RB1: variants seen among roughly 807,000 people sequenced by gnomAD.
RB1 encodes the protein retinoblastoma-associated protein.
In RB1, 18 loss-of-function variants were observed where a neutral mutation model predicts 135.4. The ratio of observed to expected loss-of-function variants is 0.13; its 90% CI spans 0.09 to 0.20. The LOEUF (loss-of-function observed/expected upper bound fraction) is 0.20. Ranked by LOEUF, RB1 falls within the 10% of genes least tolerant of loss-of-function variation. The pLI is 1.00. For missense variants in RB1, 868 were observed against 1,110.0 expected (o/e 0.78, Z 3.10); for synonymous variants, 365 against 373.2 (o/e 0.98, Z 0.25).
chr13:48,406,376 A>G (rs796687113), intron 17 of RB1, among the ~76,000 whole-genome samples: 2 of 152,338 alleles, frequency 1.3e-5, no homozygotes, highest in African/African-American at 4.8e-5. Context: ...ACCATCATTT[A>G]AAAAAGAATT....
intron 17 of RB1, chr13:48,422,515 A>C (rs1235821293): frequency 6.6e-6 from 1 of 152,214 alleles, no homozygotes; most frequent in Admixed American, 6.5e-5. Flanking sequence ...AAAGTATAAT[A>C]CTTTTAAAAA....
chr13:48,345,711 A>G (rs1952486940), intron 4 of RB1, among the ~76,000 whole-genome samples: 1 of 152,216 alleles, frequency 6.6e-6, no homozygotes, highest in Admixed American at 6.5e-5. Context: ...TCAAAACTGT[A>G]CTTCCCTACC....
At chr13:48,435,605 G>A (rs1949175415) in intron 17 of RB1, among the ~76,000 whole-genome samples, 1 of 151,770 alleles carries the variant, frequency 6.6e-6, no homozygotes, top group Non-Finnish European at 1.5e-5. Flanking sequence ...TCCTTTTATG[G>A]ATTATGCTTT....
chr13:48,458,762 G>A (rs1356093772), intron 19 of RB1, among the ~76,000 whole-genome samples: 8 of 152,148 alleles, frequency 5.3e-5, no homozygotes, highest in Non-Finnish European at 1.0e-4. Context: ...GATATTTAAA[G>A]TAGATGAAGG....
intron 2 of RB1, chr13:48,328,666 C>A: frequency 2.0e-6 from 1 of 500,362 alleles, no homozygotes; most frequent in South Asian, 2.1e-5. Context: ...TTTCTTTTAA[C>A]TTTCTCCACC....
At chr13:48,465,425 CA>C (rs1015006235) in intron 23 of RB1, 57 bp downstream of exon 23, 2 of 1,466,372 alleles carry the variant, frequency 1.4e-6, no homozygotes, top group African/African-American at 2.8e-5. Flanking sequence ...TATTTTGATC[CA>C]AGAATAAAAA....
chr13:48,418,212 G>A (rs1948946674), intron 17 of RB1, among the ~76,000 whole-genome samples: 2 of 150,832 alleles, frequency 1.3e-5, no homozygotes, highest in African/African-American at 2.4e-5. Context: ...CCAGAAAAGA[G>A]TGGGGGCCAA....
intron 17 of RB1, among the ~76,000 whole-genome samples, chr13:48,386,080 G>C (rs1358029235): frequency 6.6e-6 from 1 of 150,928 alleles, no homozygotes; most frequent in South Asian, 2.1e-4. Context: ...TGGCATGGTG[G>C]CATGTTCCTG....
intron 2 of RB1, among the ~76,000 whole-genome samples, chr13:48,340,004 A>G (rs1315642601): frequency 1.3e-5 from 2 of 152,172 alleles, no homozygotes; most frequent in Non-Finnish European, 2.9e-5. Flanking sequence ...ACCCACATAT[A>G]TATATTATTA....
chr13:48,378,831 C>T (rs1364928513), intron 13 of RB1, among the ~76,000 whole-genome samples: 2 of 152,050 alleles, frequency 1.3e-5, no homozygotes, highest in African/African-American at 4.8e-5. Context: ...CCATTATAAT[C>T]TTATGGGACT....
At chr13:48,307,913 C>T (rs1440122362) in intron 2 of RB1, among the ~76,000 whole-genome samples, 2 of 150,444 alleles carry the variant, frequency 1.3e-5, no homozygotes, top group South Asian at 2.1e-4. Flanking sequence ...TCCCACCAAA[C>T]TATTTTAAAG....
intron 21 of RB1, 41 bp from the exon 22 acceptor site, chr13:48,464,957 A>G (rs769265636): frequency 3.5e-6 from 4 of 1,136,628 alleles, no homozygotes; most frequent in African/African-American, 1.9e-5. Flanking sequence ...AGTAAATTTT[A>G]CTTTTTTTTT....
At chr13:48,323,349 G>A (rs754006842) in intron 2 of RB1, among the ~76,000 whole-genome samples, 10 of 151,852 alleles carry the variant, frequency 6.6e-5, no homozygotes, top group Non-Finnish European at 1.3e-4. Flanking sequence ...TTTTATTTCT[G>A]TAAGGTTAGT....
At chr13:48,349,120 T>A in intron 6 of RB1, 97 bp downstream of exon 6, 1 of 1,266,720 alleles carries the variant, frequency 7.9e-7, no homozygotes. Flanking sequence ...TTGAGTAATG[T>A]ACTCCTCCCT....
chr13:48,306,764 G>T (rs1045061275), intron 1 of RB1, among the ~76,000 whole-genome samples: 1 of 152,136 alleles, frequency 6.6e-6, no homozygotes, highest in African/African-American at 2.4e-5. Context: ...AAATGAATTA[G>T]CCAACAAGAA....
chr13:48,303,804 A>G lies in RB1; in HGVS notation c.-109A>G. The G allele has an allele frequency of 7.0e-7, 1 of 1,433,122 alleles. No homozygotes were observed. Among genetic ancestry groups the G allele is most frequent in the Non-Finnish European group, 9.2e-7 (1 of 1,088,916 alleles). 88.8% of individuals were successfully genotyped at this position (1,433,122 alleles called of 1,614,324 possible). On this transcript the variant is annotated 5_prime_UTR_variant, in exon 1 of 27. Transcript: ENST00000267163. ...GTTTTTCTCAGGGGACGTTGAAATT[A>G]TTTTTGTAACGGGAGTCGGGAGAGG...
At chr13:48,451,146 C>A (rs1949324743) in intron 17 of RB1, among the ~76,000 whole-genome samples, 1 of 152,076 alleles carries the variant, frequency 6.6e-6, no homozygotes, top group South Asian at 2.1e-4. Flanking sequence ...GCCTGATTGC[C>A]CTGGCCAGAT....
intron 17 of RB1, chr13:48,411,627 A>G: frequency 6.2e-7 from 1 of 1,612,146 alleles, no homozygotes; most frequent in East Asian, 2.2e-5. Flanking sequence ...TACTGCTGCC[A>G]CTACTGAGCA....
intron 12 of RB1, among the ~76,000 whole-genome samples, 176 bp downstream of exon 12, chr13:48,373,668 T>C (rs897073709): frequency 3.3e-5 from 5 of 152,122 alleles, no homozygotes; most frequent in African/African-American, 1.2e-4. Flanking sequence ...AGTATTGTTT[T>C]ATTTATACAG....
Sources: gnomAD v4.1 joint callset for allele counts (sites outside exome capture counted in the v4.1 genomes callset) on GRCh38, gnomAD v4.1.1 for gene constraint, MANE v1.5 for transcripts, NCBI Gene and HGNC (gene_info 2026-07-23, HGNC 2026-07-21) for gene names.